The following LPP variants were observed in gnomAD, a reference collection of about 807,000 sequenced individuals.
The protein encoded by LPP is LIM domain containing preferred translocation partner in lipoma, also known as lipoma-preferred partner.
Under a neutral mutation model 60.4 loss-of-function variants are expected in LPP, and 38 were observed. That is an observed-to-expected ratio of 0.63 (90% CI 0.49 to 0.83). LPP has a LOEUF of 0.83. Ranked by LOEUF, LPP falls within the 40% of genes least tolerant of loss-of-function variation. The probability of loss-of-function intolerance (pLI) is 0.00; values close to 1 mark genes in which losing one functional copy is unlikely to be tolerated. For synonymous variants in LPP, 328 were observed against 290.8 expected (o/e 1.13, Z -1.30); for missense variants, 902 against 783.6 (o/e 1.15, Z -1.80).
Position 188,888,510 on chromosome 3 carries a change from G to A in LPP, c.*14031G>A, listed in dbSNP as rs893682387. 10 of 228,002 alleles carry A rather than the reference G, an allele frequency of 4.4e-5. No homozygotes were observed. Among genetic ancestry groups the A allele is most frequent in the African/African-American group, 1.3e-4 (6 of 45,024 alleles). 14.1% of individuals were successfully genotyped at this position (228,002 alleles called of 1,614,324 possible). On this transcript the variant is annotated 3_prime_UTR_variant, in exon 12 of 12. Coordinates refer to ENST00000617246, the MANE Select transcript of LPP (RefSeq NM_001375462.1). ...CATTTGCCGACTCCGGCCTCTTTGC[G>A]AGACTGACTCAAATCTGTGATCTTC...
At chr3:188,840,387 C>T (rs1193570482) in intron 9 of LPP, among the ~76,000 whole-genome samples, 2 of 152,176 alleles carry the variant, frequency 1.3e-5, no homozygotes, top group Non-Finnish European at 2.9e-5. Flanking sequence ...TTGACACTCC[C>T]AAGGATAAGG....
chr3:188,639,185 A>G (rs536841989), intron 7 of LPP, among the ~76,000 whole-genome samples: 5 of 151,960 alleles, frequency 3.3e-5, no homozygotes, highest in South Asian at 2.1e-4. Context: ...TCAATGGAAC[A>G]GAACAGAGTC....
intron 5 of LPP, among the ~76,000 whole-genome samples, chr3:188,502,856 A>T (rs1812306726): frequency 6.6e-6 from 1 of 152,170 alleles, no homozygotes; most frequent in Non-Finnish European, 1.5e-5. Context: ...AGCTTTAATT[A>T]TCTTATGTAT....
At chr3:188,679,327 G>T (rs969874496) in intron 7 of LPP, among the ~76,000 whole-genome samples, 2 of 148,976 alleles carry the variant, frequency 1.3e-5, no homozygotes, top group East Asian at 3.9e-4. Context: ...AAGTTCACTT[G>T]TTTTTTTTTT....
At chr3:188,330,470 T>A (rs1759712081) in intron 2 of LPP, among the ~76,000 whole-genome samples, 1 of 152,188 alleles carries the variant, frequency 6.6e-6, no homozygotes, top group South Asian at 2.1e-4. Flanking sequence ...GCTTTTTGAG[T>A]CAAACTTTGT....
At chr3:188,546,532 A>G (rs372419052) in intron 6 of LPP, among the ~76,000 whole-genome samples, 2 of 152,084 alleles carry the variant, frequency 1.3e-5, no homozygotes, top group African/African-American at 4.8e-5. Flanking sequence ...CTAGTTCCAT[A>G]CAGAGTTTAT....
intron 5 of LPP, among the ~76,000 whole-genome samples, chr3:188,500,363 A>G (rs1299274770): frequency 6.6e-6 from 1 of 152,024 alleles, no homozygotes; most frequent in African/African-American, 2.4e-5. Flanking sequence ...CTTTTTTTCC[A>G]TTCTGTTAAT....
intron 10 of LPP, among the ~76,000 whole-genome samples, chr3:188,867,244 A>G (rs1239131865): frequency 6.7e-6 from 1 of 148,760 alleles, no homozygotes; most frequent in Non-Finnish European, 1.5e-5. Flanking sequence ...TTATTCAATA[A>G]CATTCATTTT....
At chr3:188,482,836 C>T (rs1232886329) in intron 4 of LPP, among the ~76,000 whole-genome samples, 1 of 152,038 alleles carries the variant, frequency 6.6e-6, no homozygotes, top group Non-Finnish European at 1.5e-5. Flanking sequence ...TCCTGTGGGT[C>T]TAAAGTAGTA....
chr3:188,443,454 A>G (rs1794519107), intron 4 of LPP, among the ~76,000 whole-genome samples: 1 of 152,164 alleles, frequency 6.6e-6, no homozygotes. Context: ...CATTTATCCA[A>G]TAGAGATGGA....
At chr3:188,178,426 T>C (rs1723751175) in intron 1 of LPP, 1 of 152,300 alleles carries the variant, frequency 6.6e-6, no homozygotes, top group African/African-American at 2.4e-5. Flanking sequence ...TGCTGGTTGC[T>C]GACTGTTCGC....
intron 2 of LPP, among the ~76,000 whole-genome samples, chr3:188,301,460 CT>C (rs1749837011): frequency 6.6e-6 from 1 of 152,232 alleles, no homozygotes; most frequent in South Asian, 2.1e-4. Context: ...AGTATAATGC[CT>C]TTTGGAGACT....
At chr3:188,625,555 T>A (rs1846681074) in intron 7 of LPP, among the ~76,000 whole-genome samples, 1 of 152,178 alleles carries the variant, frequency 6.6e-6, no homozygotes. Context: ...AAGTCAGTTT[T>A]CCAATTTTTC....
At chr3:188,444,454 C>T (rs1373976983) in intron 4 of LPP, among the ~76,000 whole-genome samples, 1 of 152,086 alleles carries the variant, frequency 6.6e-6, no homozygotes. Context: ...ATTTGTTATA[C>T]TTGAACTAGA....
intron 9 of LPP, among the ~76,000 whole-genome samples, chr3:188,779,215 GA>G (rs1362404065): frequency 6.6e-6 from 1 of 152,124 alleles, no homozygotes; most frequent in Non-Finnish European, 1.5e-5. Context: ...CTCCCCTTCT[GA>G]AAAAGTACCT....
chr3:188,813,922 A>C (rs1370563356), intron 9 of LPP, among the ~76,000 whole-genome samples: 1 of 152,060 alleles, frequency 6.6e-6, no homozygotes, highest in African/African-American at 2.4e-5. Context: ...ACACAAAAAA[A>C]TTAGGTAGGT....
chr3:188,853,162 A>AT (rs1763068469), intron 9 of LPP, among the ~76,000 whole-genome samples: 1 of 151,982 alleles, frequency 6.6e-6, no homozygotes, highest in Non-Finnish European at 1.5e-5. Context: ...AAAAAAAAAA[A>AT]GGTTAGCATT....
intron 4 of LPP, among the ~76,000 whole-genome samples, chr3:188,429,862 C>G (rs2149135189): frequency 6.6e-6 from 1 of 152,278 alleles, no homozygotes; most frequent in South Asian, 2.1e-4. Context: ...ATTCCTTTTC[C>G]TAAACAAAGG....
At chr3:188,198,404 A>C (rs1730132302) in intron 1 of LPP, among the ~76,000 whole-genome samples, 1 of 152,214 alleles carries the variant, frequency 6.6e-6, no homozygotes, top group Non-Finnish European at 1.5e-5. Flanking sequence ...GCTGGGTAAG[A>C]GAGCAGCATA....
Sources: gnomAD v4.1 joint callset for allele counts (sites outside exome capture counted in the v4.1 genomes callset) on GRCh38, gnomAD v4.1.1 for gene constraint, MANE v1.5 for transcripts, NCBI Gene and HGNC (gene_info 2026-07-23, HGNC 2026-07-21) for gene names.